PCDH9: variants seen among roughly 807,000 people sequenced by gnomAD.
The protein encoded by PCDH9 is protocadherin-9.
In PCDH9, 24 loss-of-function variants were observed where a neutral mutation model predicts 70.6. The observed-to-expected ratio is 0.34, with a 90% CI of 0.25 to 0.48. The LOEUF (loss-of-function observed/expected upper bound fraction) is 0.48. PCDH9 is among the 20% of genes least tolerant of loss of function. The pLI, the probability that PCDH9 is intolerant of heterozygous loss-of-function variation, is 0.99. For synonymous variants in PCDH9, 562 were observed against 558.5 expected (o/e 1.01, Z -0.09); for missense variants, 1,281 against 1,503.6 (o/e 0.85, Z 2.45).
At chr13:67,013,341 T>A (rs2084490947) in intron 2 of PCDH9, among the ~76,000 whole-genome samples, 1 of 151,548 alleles carries the variant, frequency 6.6e-6, no homozygotes, top group Non-Finnish European at 1.5e-5. Context: ...ATCATACTTT[T>A]ATATCCTATT....
At chr13:66,943,151 GTCAGGTTGTTACCT>G (rs1478388457) in intron 2 of PCDH9, among the ~76,000 whole-genome samples, 12 of 152,086 alleles carry the variant, frequency 7.9e-5, no homozygotes, top group African/African-American at 2.6e-4. Context: ...GAAATCATAA[GTCAGGTTGTTACCT>G]TCATATGCAA....
chr13:66,679,747 T>C (rs1239811058), intron 3 of PCDH9, among the ~76,000 whole-genome samples: 1 of 151,942 alleles, frequency 6.6e-6, no homozygotes, highest in Non-Finnish European at 1.5e-5. Context: ...TAATATAATA[T>C]GCATAGCCTT....
chr13:66,503,521 T>C (rs1959188174), intron 4 of PCDH9, among the ~76,000 whole-genome samples: 2 of 152,202 alleles, frequency 1.3e-5, no homozygotes, highest in Non-Finnish European at 2.9e-5. Flanking sequence ...TTTAATGACA[T>C]GTTCTTTCAT....
intron 3 of PCDH9, among the ~76,000 whole-genome samples, chr13:66,874,073 T>C (rs1179344043): frequency 6.6e-6 from 1 of 152,024 alleles, no homozygotes; most frequent in African/African-American, 2.4e-5. Context: ...CCCAAGTAGC[T>C]GTGGCTACAG....
At chr13:67,022,973 T>A (rs1439043058) in intron 2 of PCDH9, among the ~76,000 whole-genome samples, 3 of 152,238 alleles carry the variant, frequency 2.0e-5, no homozygotes, top group African/African-American at 7.2e-5. Context: ...GGTCTTTGCC[T>A]ATTGATACAA....
chr13:66,476,109 C>G (rs1958723077), intron 4 of PCDH9, among the ~76,000 whole-genome samples: 1 of 152,016 alleles, frequency 6.6e-6, no homozygotes, highest in Non-Finnish European at 1.5e-5. Context: ...TAAATATTTT[C>G]TAAGACAAAT....
chr13:66,756,372 T>G (rs1053759178), intron 3 of PCDH9, among the ~76,000 whole-genome samples: 19 of 152,174 alleles, frequency 1.2e-4, no homozygotes, highest in Non-Finnish European at 2.1e-4. Flanking sequence ...TAGAAGACTA[T>G]CAAGTCTGAA....
chr13:66,419,765 T>TG (rs1957529556), intron 4 of PCDH9, among the ~76,000 whole-genome samples: 8 of 58,260 alleles, frequency 1.4e-4, no homozygotes, highest in Admixed American at 1.2e-3. Context: ...CTGCAGGAGT[T>TG]TTTTTTTTTT....
At chr13:66,569,392 A>G (rs1178512461) in intron 4 of PCDH9, among the ~76,000 whole-genome samples, 2 of 152,038 alleles carry the variant, frequency 1.3e-5, no homozygotes, top group Non-Finnish European at 2.9e-5. Flanking sequence ...AAATGCCACT[A>G]CTCAAAATTA....
chr13:66,313,594 A>G (rs1313978661), intron 4 of PCDH9, among the ~76,000 whole-genome samples: 1 of 152,236 alleles, frequency 6.6e-6, no homozygotes, highest in African/African-American at 2.4e-5. Flanking sequence ...ATAGTAGTAC[A>G]CAATGTTATG....
At chr13:66,478,646 A>G (rs1482632989) in intron 4 of PCDH9, among the ~76,000 whole-genome samples, 1 of 152,230 alleles carries the variant, frequency 6.6e-6, no homozygotes, top group African/African-American at 2.4e-5. Context: ...ACTTTTCTTT[A>G]AGCCAAAACC....
intron 4 of PCDH9, among the ~76,000 whole-genome samples, chr13:66,444,548 T>C (rs1247072604): frequency 6.6e-6 from 1 of 152,098 alleles, no homozygotes; most frequent in Non-Finnish European, 1.5e-5. Flanking sequence ...TTTATTTATT[T>C]ATTTTATTTT....
intron 4 of PCDH9, among the ~76,000 whole-genome samples, chr13:66,457,902 C>G (rs890328489): frequency 7.9e-5 from 12 of 151,918 alleles, no homozygotes; most frequent in African/African-American, 2.9e-4. Flanking sequence ...CAACCTACTC[C>G]AATCCCTTAA....
chr13:66,620,905 TC>T (rs1566460676), intron 4 of PCDH9, among the ~76,000 whole-genome samples: 1 of 152,082 alleles, frequency 6.6e-6, no homozygotes, highest in Non-Finnish European at 1.5e-5. Flanking sequence ...TTAATGTCTA[TC>T]CCCCAAACCT....
At chr13:66,789,801 G>T (rs1052125371) in intron 3 of PCDH9, among the ~76,000 whole-genome samples, 8 of 152,054 alleles carry the variant, frequency 5.3e-5, no homozygotes, top group African/African-American at 1.9e-4. Context: ...TAGAATTTTT[G>T]TCAGTGTTGT....
intron 4 of PCDH9, among the ~76,000 whole-genome samples, chr13:66,590,927 A>G (rs889892725): frequency 2.6e-5 from 4 of 151,772 alleles, no homozygotes; most frequent in Non-Finnish European, 5.9e-5. Context: ...TCTTTTAAAT[A>G]TCAGTATCCA....
chr13:66,956,149 C>T (rs1388934172), intron 2 of PCDH9, among the ~76,000 whole-genome samples: 1 of 152,022 alleles, frequency 6.6e-6, no homozygotes, highest in Non-Finnish European at 1.5e-5. Flanking sequence ...TGAGTCAACC[C>T]TATTACCTGT....
At chr13:66,940,463 A>G (rs2139681650) in intron 2 of PCDH9, among the ~76,000 whole-genome samples, 1 of 152,268 alleles carries the variant, frequency 6.6e-6, no homozygotes, top group South Asian at 2.1e-4. Flanking sequence ...ATTAAACAGC[A>G]TATAAAAAAA....
chr13:67,159,917 A>T (rs928853083), intron 2 of PCDH9, among the ~76,000 whole-genome samples: 9 of 151,942 alleles, frequency 5.9e-5, no homozygotes, highest in African/African-American at 2.2e-4. Flanking sequence ...TCTTTCTATT[A>T]TTTTTTTGCA....
Sources: allele counts gnomAD v4.1 joint callset (sites outside exome capture counted in the v4.1 genomes callset), GRCh38; gene constraint gnomAD v4.1.1; transcripts MANE v1.5; gene names NCBI Gene and HGNC (gene_info 2026-07-23, HGNC 2026-07-21).